TENM4: variants seen among roughly 807,000 people sequenced by gnomAD.
TENM4 encodes the protein teneurin transmembrane protein 4, also known as teneurin-4.
A neutral mutation model predicts 243.3 loss-of-function variants in TENM4; 82 were observed. The ratio of observed to expected loss-of-function variants is 0.34; its 90% CI spans 0.28 to 0.40. The LOEUF is 0.40. Ranked by LOEUF, TENM4 falls within the 10% of genes least tolerant of loss-of-function variation. The pLI is 1.00. For synonymous variants in TENM4, 1,412 were observed against 1,456.3 expected (o/e 0.97, Z 0.69); for missense variants, 3,138 against 3,673.3 (o/e 0.85, Z 3.77).
chr11:79,396,871 G>C (rs1858356234), intron 1 of TENM4, among the ~76,000 whole-genome samples: 1 of 152,200 alleles, frequency 6.6e-6, no homozygotes, highest in South Asian at 2.1e-4. Context: ...AAGAAAGACA[G>C]AATCAAATGA....
chr11:78,879,419 C>A (rs1310773098), intron 9 of TENM4, among the ~76,000 whole-genome samples: 3 of 151,168 alleles, frequency 2.0e-5, no homozygotes, highest in Non-Finnish European at 4.4e-5. Context: ...AGTGCCTCTG[C>A]CCGGCCGCCC....
chr11:79,309,519 G>A (rs1180810137), intron 1 of TENM4, among the ~76,000 whole-genome samples: 2 of 152,214 alleles, frequency 1.3e-5, no homozygotes, highest in Non-Finnish European at 2.9e-5. Context: ...ACCCTGGATC[G>A]TGCTCATAGC....
chr11:79,085,881 T>G (rs1376871708), intron 4 of TENM4, among the ~76,000 whole-genome samples: 1 of 152,240 alleles, frequency 6.6e-6, no homozygotes, highest in Admixed American at 6.5e-5. Flanking sequence ...AATGTCACTT[T>G]TCCTTAATAA....
intron 1 of TENM4, among the ~76,000 whole-genome samples, chr11:79,436,388 T>C (rs1211292347): frequency 2.0e-5 from 3 of 152,116 alleles, no homozygotes; most frequent in Non-Finnish European, 4.4e-5. Context: ...CTAAGTAATA[T>C]TGTGCCATTT....
intron 1 of TENM4, among the ~76,000 whole-genome samples, chr11:79,374,773 ATAGTTATAGTC>A (rs769141740): frequency 1.7e-4 from 26 of 152,046 alleles, no homozygotes; most frequent in Non-Finnish European, 3.2e-4. Flanking sequence ...AATTTCTAAA[ATAGTTATAGTC>A]TAGAGAAAGG....
rs1349871776 is a variant in TENM4 at position 78,702,094 on chromosome 11, C to A, written c.4519G>T (p.Ala1507Ser). 6.2e-7 allele frequency: 1 copy of A among 1,613,816 alleles called. No homozygotes were observed. The highest frequency in any genetic ancestry group is 1.3e-5 in the African/African-American group (1 of 74,944). Residue 1507 changes from alanine to serine, a missense_variant, in exon 28 of 34, where the codon GCT (alanine) becomes TCT (serine). Transcript: ENST00000278550. ...VTTSGEISLV[A>S]GAPSGCDCKN... ...CAGTCACAGCCACTGGGGGCCCCAG[C>A]AACGAGTGAGATCTCTCCACTAGTG...
chr11:79,001,538 G>A (rs1420209508), intron 6 of TENM4, among the ~76,000 whole-genome samples: 1 of 152,150 alleles, frequency 6.6e-6, no homozygotes, highest in Non-Finnish European at 1.5e-5. Context: ...GAGGTTGTAG[G>A]AGCAGGGCTC....
At chr11:79,345,096 T>C (rs771379668) in intron 1 of TENM4, among the ~76,000 whole-genome samples, 8 of 152,248 alleles carry the variant, frequency 5.3e-5, no homozygotes, top group Admixed American at 1.3e-4. Flanking sequence ...AGGTTAATGT[T>C]AACAAGATAC....
intron 1 of TENM4, among the ~76,000 whole-genome samples, chr11:79,427,078 A>C (rs867726765): frequency 1.9e-4 from 29 of 152,130 alleles, no homozygotes; most frequent in Middle Eastern, 6.8e-3. Flanking sequence ...CAGTGCCACC[A>C]TGGTACCCTG....
At chr11:78,828,989 G>T (rs1857918437) in intron 12 of TENM4, among the ~76,000 whole-genome samples, 1 of 152,234 alleles carries the variant, frequency 6.6e-6, no homozygotes, top group African/African-American at 2.4e-5. Flanking sequence ...GGGGCCATCT[G>T]CTCTCCACCC....
chr11:79,193,145 G>T (rs759393922), intron 3 of TENM4: 2 of 152,268 alleles, frequency 1.3e-5, no homozygotes, highest in East Asian at 1.9e-4. Context: ...TGAAAAGAAG[G>T]CTTCATAATG....
At chr11:78,888,016 G>A (rs931322311) in intron 9 of TENM4, among the ~76,000 whole-genome samples, 1 of 152,182 alleles carries the variant, frequency 6.6e-6, no homozygotes, top group Non-Finnish European at 1.5e-5. Flanking sequence ...CATACTATTC[G>A]TGGTGCCAGA....
At chr11:79,226,686 C>G (rs1160205030) in intron 2 of TENM4, among the ~76,000 whole-genome samples, 2 of 152,176 alleles carry the variant, frequency 1.3e-5, no homozygotes, top group Non-Finnish European at 2.9e-5. Flanking sequence ...AATGATACTC[C>G]TGAGCAAGAT....
chr11:79,391,543 A>C (rs1036863346), intron 1 of TENM4, among the ~76,000 whole-genome samples: 3 of 152,240 alleles, frequency 2.0e-5, no homozygotes, highest in Non-Finnish European at 4.4e-5. Flanking sequence ...TCAGAGAGCC[A>C]CAGGCCCTTA....
chr11:79,195,567 C>T (rs554938426), intron 3 of TENM4, among the ~76,000 whole-genome samples: 13 of 152,236 alleles, frequency 8.5e-5, no homozygotes, highest in Middle Eastern at 6.8e-3. Flanking sequence ...ATTTGACTGC[C>T]GCTGGATTTT....
intron 1 of TENM4, among the ~76,000 whole-genome samples, chr11:79,365,097 A>C (rs1857654045): frequency 6.6e-6 from 1 of 152,212 alleles, no homozygotes; most frequent in African/African-American, 2.4e-5. Flanking sequence ...AATATATGTA[A>C]TTACAAGGAT....
rs557207017 is a variant in TENM4, at chr11:78,960,660, C to T, written c.494-57137G>A. On this transcript the variant is annotated intron_variant, in intron 6 of 33. Coordinates refer to ENST00000278550, the MANE Select transcript of TENM4 (RefSeq NM_001098816.3). ...GCACACCTCACTAATTTCTTCAAGT[C>T]CTGTAAGTGCCTCCTTTAGGAGGCA... Among the ~76,000 whole-genome samples, 4 of 152,302 alleles carry T rather than the reference C, an allele frequency of 2.6e-5. No individual in the cohort carries two copies. In the East Asian group the frequency reaches 7.7e-4, roughly 29 times the overall value.
intron 2 of TENM4, among the ~76,000 whole-genome samples, chr11:79,245,045 C>G (rs1334553332): frequency 6.6e-6 from 1 of 152,186 alleles, no homozygotes; most frequent in African/African-American, 2.4e-5. Flanking sequence ...AGCCCTTTAT[C>G]TTTGTCACTG....
chr11:79,340,421 T>C (rs903888497), intron 1 of TENM4, among the ~76,000 whole-genome samples: 9 of 152,058 alleles, frequency 5.9e-5, no homozygotes, highest in Non-Finnish European at 1.2e-4. Context: ...CCACCAGCTC[T>C]TGATGGCCAG....
Sources: gnomAD v4.1 joint callset for allele counts (sites outside exome capture counted in the v4.1 genomes callset) on GRCh38, gnomAD v4.1.1 for gene constraint, MANE v1.5 for transcripts, NCBI Gene and HGNC (gene_info 2026-07-23, HGNC 2026-07-21) for gene names.